SCMH1: variants seen among roughly 807,000 people sequenced by gnomAD.
SCMH1 encodes the protein polycomb protein SCMH1.
A neutral mutation model predicts 70.8 loss-of-function variants in SCMH1; 37 were observed. The observed-to-expected ratio is 0.52, with a 90% CI of 0.40 to 0.69. SCMH1 has a LOEUF of 0.69. Among genes scored for constraint, SCMH1 ranks in the 30% least tolerant of loss-of-function variants. The probability of loss-of-function intolerance (pLI) is 0.00; values close to 1 mark genes in which losing one functional copy is unlikely to be tolerated. For missense variants in SCMH1, 607 were observed against 827.3 expected (o/e 0.73, Z 3.27); for synonymous variants, 292 against 307.4 (o/e 0.95, Z 0.52).
intron 8 of SCMH1, among the ~76,000 whole-genome samples, chr1:41,103,249 A>T (rs1667065850): frequency 6.6e-6 from 1 of 151,794 alleles, no homozygotes; most frequent in African/African-American, 2.4e-5. Context: ...CTTCTGTCTC[A>T]GTCTCTTAAG....
At chr1:41,233,379 C>T (rs902731826) in intron 1 of SCMH1, among the ~76,000 whole-genome samples, 2 of 152,084 alleles carry the variant, frequency 1.3e-5, no homozygotes. Flanking sequence ...TTATCTTTAT[C>T]AAAACCAGAA....
intron 13 of SCMH1, among the ~76,000 whole-genome samples, chr1:41,033,259 C>T (rs1410137870): frequency 6.6e-6 from 1 of 151,508 alleles, no homozygotes; most frequent in Admixed American, 6.6e-5. Flanking sequence ...GTACTCCAGC[C>T]TGGGTGACAC....
At chr1:41,062,358 C>T (rs1652974335) in intron 10 of SCMH1, among the ~76,000 whole-genome samples, 1 of 151,462 alleles carries the variant, frequency 6.6e-6, no homozygotes, top group Admixed American at 6.6e-5. Context: ...AATCCTAGCA[C>T]TTTGGGAGGC....
At chr1:41,047,679 G>C (rs780960971) in intron 11 of SCMH1, among the ~76,000 whole-genome samples, 1 of 152,050 alleles carries the variant, frequency 6.6e-6, no homozygotes, top group African/African-American at 2.4e-5. Flanking sequence ...TGGGATTACA[G>C]GTGTGAGCCA....
intron 10 of SCMH1, among the ~76,000 whole-genome samples, chr1:41,051,401 C>T (rs1648090313): frequency 6.6e-6 from 1 of 152,152 alleles, no homozygotes; most frequent in Non-Finnish European, 1.5e-5. Flanking sequence ...GTAGAGTGTA[C>T]TCCTACTTAT....
At chr1:41,038,072 T>C (rs1488814593) in intron 12 of SCMH1, 1 of 152,778 alleles carries the variant, frequency 6.5e-6, no homozygotes, top group Non-Finnish European at 1.5e-5. Context: ...CTGGGGTTGA[T>C]GAGCGGTGAG....
At position 41,192,096 on chromosome 1, in the gene SCMH1, G is replaced by A. The variant is rs115686970; in HGVS notation, c.-117-5846C>T. The stretch of plus-strand genomic sequence containing the variant: ...GACTATATAATGTATCTTACTGTAT[G>A]ACTATATAACATGTCTTAAGTATCT... On this transcript the variant is annotated intron_variant, in intron 1 of 14. Coordinates refer to ENST00000337495, the Ensembl canonical transcript of SCMH1. Among the ~76,000 whole-genome samples, 455 of 152,190 alleles carry A rather than the reference G, an allele frequency of 3.0e-3. 3 individuals are homozygous for A. The highest frequency in any genetic ancestry group is 0.01 in the African/African-American group (434 of 41,530).
chr1:41,075,232 T>G, exon 9 of SCMH1: 1 of 1,614,128 alleles, frequency 6.2e-7, no homozygotes, highest in Non-Finnish European at 8.5e-7. Flanking sequence ...GCTGCCAGGT[T>G]TGGGACCTCT....
intron 1 of SCMH1, among the ~76,000 whole-genome samples, chr1:41,229,532 G>A (rs888345937): frequency 2.6e-5 from 4 of 152,104 alleles, no homozygotes; most frequent in Non-Finnish European, 4.4e-5. Context: ...CAGGTGGGAA[G>A]TGAACAATGA....
chr1:41,204,331 T>C (rs984390871), intron 1 of SCMH1, among the ~76,000 whole-genome samples: 2 of 152,210 alleles, frequency 1.3e-5, no homozygotes, highest in African/African-American at 4.8e-5. Context: ...TATATGATCC[T>C]GTCCTGACTA....
At chr1:41,063,449 G>A (rs1653484698) in intron 10 of SCMH1, among the ~76,000 whole-genome samples, 3 of 151,962 alleles carry the variant, frequency 2.0e-5, no homozygotes, top group Admixed American at 2.0e-4. Flanking sequence ...CTCCAGCCTG[G>A]GTGACAGAGC....
chr1:41,143,787 A>G (rs1255161004), intron 5 of SCMH1, among the ~76,000 whole-genome samples: 2 of 152,138 alleles, frequency 1.3e-5, no homozygotes, highest in Non-Finnish European at 2.9e-5. Flanking sequence ...CCAATGATCT[A>G]CTTTCTATCA....
chr1:41,125,894 G>A (rs999897), intron 6 of SCMH1, among the ~76,000 whole-genome samples: 12,448 of 152,130 alleles, frequency 0.082, 699 homozygotes, highest in South Asian at 0.15. Flanking sequence ...TCAAGGTGTC[G>A]TCATTGCTAC....
In SCMH1 at chr1:41,172,741, T is replaced by C. The variant is rs373234638; in HGVS notation, c.14-11309A>G. Among the ~76,000 whole-genome samples, 17 of 152,190 alleles carry C rather than the reference T, an allele frequency of 1.1e-4. No homozygotes were observed. The East Asian group carries it at 2.3e-3, about 21-fold the overall frequency. On this transcript the variant is annotated intron_variant, in intron 2 of 14. Transcript: ENST00000337495. Reference sequence around the variant, plus strand: ...CAGTACTGGCATAAGAACACACATATATACCAATGGAACCCAGAATAGAGA... The same window carrying C: ...CAGTACTGGCATAAGAACACACATACATACCAATGGAACCCAGAATAGAGA...
At chr1:41,124,074 A>G (rs1469493002) in intron 6 of SCMH1, among the ~76,000 whole-genome samples, 1 of 152,056 alleles carries the variant, frequency 6.6e-6, no homozygotes, top group Non-Finnish European at 1.5e-5. Context: ...TTTTAATTTT[A>G]TTTTGAAAAG....
At chr1:41,210,614 T>C (rs1225075372) in intron 1 of SCMH1, among the ~76,000 whole-genome samples, 4 of 152,148 alleles carry the variant, frequency 2.6e-5, no homozygotes, top group African/African-American at 4.8e-5. Flanking sequence ...GGGGAAGGAT[T>C]CCCTATTTAA....
At chr1:41,150,651 C>G (rs1644986001) in intron 5 of SCMH1, among the ~76,000 whole-genome samples, 1 of 151,822 alleles carries the variant, frequency 6.6e-6, no homozygotes, top group African/African-American at 2.4e-5. Flanking sequence ...AGACAAAATT[C>G]TATGGCCGGG....
At chr1:41,239,159 T>C (rs1323469812) in intron 1 of SCMH1, among the ~76,000 whole-genome samples, 4 of 152,262 alleles carry the variant, frequency 2.6e-5, no homozygotes, top group East Asian at 3.9e-4. Flanking sequence ...TACTTATGCA[T>C]ACAAGGTCCA....
intron 1 of SCMH1, among the ~76,000 whole-genome samples, chr1:41,192,549 T>G (rs1651977875): frequency 6.8e-6 from 1 of 147,434 alleles, no homozygotes; most frequent in African/African-American, 2.5e-5. Context: ...ACCTGGCACA[T>G]AGTAAACACT....
Sources: allele counts gnomAD v4.1 joint callset (sites outside exome capture counted in the v4.1 genomes callset), GRCh38; gene constraint gnomAD v4.1.1; transcripts MANE v1.5; gene names NCBI Gene and HGNC (gene_info 2026-07-23, HGNC 2026-07-21).